ZNF91: variants seen among roughly 807,000 people sequenced by gnomAD.
ZNF91 encodes zinc finger protein 91 (HPF7, HTF10).
ZNF91 carries 7 observed loss-of-function variants against 12.6 expected under a neutral mutation model. The ratio of observed to expected loss-of-function variants is 0.55; its 90% CI spans 0.31 to 1.04. The LOEUF is 1.04. ZNF91 is among the 50% of genes least tolerant of loss of function. ZNF91 has a pLI of 0.05. For missense variants in ZNF91, 1,217 were observed against 1,385.4 expected, an observed-to-expected ratio of 0.88 and a Z score of 1.93; for synonymous variants, 453 against 462.6, an observed-to-expected ratio of 0.98 and a Z score of 0.27.
At position 23,395,424 on chromosome 19, in the gene ZNF91, A is replaced by T; in HGVS notation, c.-70T>A. ...GGCTGGGCCTCCTGGAGCAGAGGACACAGAGCAGTGAAGTCGAGACCTGGA... is the reference window on the plus strand; with the variant it reads ...GGCTGGGCCTCCTGGAGCAGAGGACTCAGAGCAGTGAAGTCGAGACCTGGA... On this transcript the variant is annotated 5_prime_UTR_variant, in exon 1 of 4. Coordinates refer to ENST00000300619, the MANE Select transcript of ZNF91 (RefSeq NM_003430.4). The T allele has an allele frequency of 6.3e-7, 1 of 1,586,724 alleles. No homozygotes were observed. The highest frequency in any genetic ancestry group is 8.6e-7 in the Non-Finnish European group (1 of 1,161,990).
chr19:23,373,369 T>A (rs1413094629), intron 3 of ZNF91, among the ~76,000 whole-genome samples: 2 of 83,248 alleles, frequency 2.4e-5, no homozygotes, highest in African/African-American at 8.6e-5. Flanking sequence ...TATATATATA[T>A]ATATATATAT....
At chr19:23,328,579 G>C (rs745306544) in intron 1 of ZNF91, 1 of 152,034 alleles carries the variant, frequency 6.6e-6, no homozygotes, top group Non-Finnish European at 1.5e-5. Flanking sequence ...AAAACTGTTG[G>C]GCCAAAAAGT....
At chr19:23,348,717 A>G (rs1000424242) in intron 3 of ZNF91, among the ~76,000 whole-genome samples, 4 of 152,218 alleles carry the variant, frequency 2.6e-5, no homozygotes, top group African/African-American at 9.6e-5. Context: ...AGGAAAGATA[A>G]CCATAAGGTC....
At position 23,395,464 on chromosome 19, in the gene ZNF91, CGA is replaced by C. The variant is rs992716592; in HGVS notation, c.-112_-111del. 4.0e-5 allele frequency: 55 copies of C among 1,376,040 alleles called. No individual in the cohort carries two copies. Among genetic ancestry groups the C allele is most frequent in the Non-Finnish European group, 4.9e-5 (49 of 993,888 alleles). 85.2% of individuals were successfully genotyped at this position (1,376,040 alleles called of 1,614,324 possible). A position where few individuals can be genotyped will look rare whatever the true frequency, so the allele number is the denominator to read the frequency against. On this transcript the variant is annotated 5_prime_UTR_variant, in exon 1 of 4. Coordinates refer to ENST00000300619, the MANE Select transcript of ZNF91 (RefSeq NM_003430.4). ...CGAGACCTGGAAACTCCGGCGGCAG[CGA>C]GAGACAAAGGCCCAGCCACATCCCG...
At chr19:23,365,215 T>G (rs1968954325) in intron 3 of ZNF91, among the ~76,000 whole-genome samples, 2 of 151,786 alleles carry the variant, frequency 1.3e-5, no homozygotes, top group South Asian at 4.1e-4. Flanking sequence ...GATTTAAATT[T>G]ATTTCACTTT....
At chr19:23,313,072 T>C (rs995882520), upstream of ZNF91, among the ~76,000 whole-genome samples, 2 of 152,186 alleles carry the variant, frequency 1.3e-5, no homozygotes, top group African/African-American at 4.8e-5. Flanking sequence ...CAGATCCAGT[T>C]TATTGTTGAG....
intron 1 of ZNF91, among the ~76,000 whole-genome samples, chr19:23,375,482 T>C (rs1969473825): frequency 6.6e-6 from 1 of 152,158 alleles, no homozygotes; most frequent in Admixed American, 6.5e-5. Flanking sequence ...TTTTAATGTG[T>C]ATGATAAACT....
intron 1 of ZNF91, chr19:23,325,416 AGTGCCCTGTGCATTCTGGTGCTTTT>A (rs1343489406): frequency 1.3e-5 from 2 of 152,138 alleles, no homozygotes; most frequent in African/African-American, 2.4e-5. Flanking sequence ...GTTCCTGCAG[AGTGCCCTGTGCATTCTGGTGCTTTT>A]GTGCCCTCTC....
At chr19:23,317,269 C>T (rs929831202) in intron 1 of ZNF91, among the ~76,000 whole-genome samples, 1 of 152,066 alleles carries the variant, frequency 6.6e-6, no homozygotes, top group Admixed American at 6.5e-5. Context: ...AGGATGGTCT[C>T]GATCTCCTGA....
intron 1 of ZNF91, among the ~76,000 whole-genome samples, chr19:23,387,800 CATG>C (rs1237542855): frequency 6.6e-6 from 1 of 151,866 alleles, no homozygotes; most frequent in Non-Finnish European, 1.5e-5. Context: ...ATTAGTCGGG[CATG>C]GTGGTGGTGG....
At chr19:23,377,980 C>T (rs908811968) in intron 1 of ZNF91, among the ~76,000 whole-genome samples, 2 of 151,996 alleles carry the variant, frequency 1.3e-5, no homozygotes, top group Admixed American at 1.3e-4. Context: ...TAAAAAAATG[C>T]ATAGAATAAA....
chr19:23,374,964 C>A (rs1160176340), intron 1 of ZNF91, among the ~76,000 whole-genome samples, 200 bp from the exon 2 acceptor site: 1 of 152,102 alleles, frequency 6.6e-6, no homozygotes, highest in African/African-American at 2.4e-5. Flanking sequence ...TGGCATAATA[C>A]CCACAATATC....
chr19:23,349,535 C>T (rs1038570179), intron 3 of ZNF91, among the ~76,000 whole-genome samples: 15 of 152,152 alleles, frequency 9.9e-5, no homozygotes, highest in African/African-American at 1.4e-4. Flanking sequence ...GTCTTTCATT[C>T]GTGAAGCGGC....
chr19:23,374,184 GA>G (rs1568395942), intron 2 of ZNF91, among the ~76,000 whole-genome samples: 1 of 151,964 alleles, frequency 6.6e-6, no homozygotes. Context: ...ACATCTTGAG[GA>G]AATTCTTTTC....
At chr19:23,390,980 G>A (rs1050258707) in intron 1 of ZNF91, among the ~76,000 whole-genome samples, 4 of 152,222 alleles carry the variant, frequency 2.6e-5, no homozygotes, top group African/African-American at 4.8e-5. Flanking sequence ...TTGTGCATGT[G>A]TCTTTATGAG....
chr19:23,305,421 A>G lies in ZNF91; in HGVS notation n.278-290T>C, dbSNP rs1400177140. On this transcript the variant is annotated intron_variant and non_coding_transcript_variant, in intron 3 of 3. Coordinates refer to the ZNF91 transcript ENST00000593292. ...TCCAATTAGCCAATTAATTTGGTCT[A>G]GGTAATTCTGATCAGCCAATTAGCT... 2.0e-5 allele frequency among the ~76,000 whole-genome samples: 3 copies of G among 152,102 alleles called. No homozygotes were observed. The East Asian group carries it at 5.8e-4, about 29-fold the overall frequency.
intron 1 of ZNF91, among the ~76,000 whole-genome samples, chr19:23,330,950 T>C (rs774364079): frequency 1.7e-4 from 26 of 152,294 alleles, no homozygotes; most frequent in Non-Finnish European, 2.4e-4. Context: ...ATATCCAAAA[T>C]TGGAATCAAT....
rs575240893 is a variant in ZNF91, at chr19:23,393,616, CAGG to C, written c.30+1706_30+1708del. 5.1e-4 allele frequency among the ~76,000 whole-genome samples: 78 copies of C among 152,224 alleles called. No homozygotes were observed. The South Asian group carries it at 0.011, about 22-fold the overall frequency. On this transcript the variant is annotated intron_variant, in intron 1 of 3. Coordinates refer to ENST00000300619, the MANE Select transcript of ZNF91 (RefSeq NM_003430.4). ...ACAGAGATATTTTACCATACAGTGT[CAGG>C]AGATTATTCTTTGCTTTCTTCTCAC...
chr19:23,363,795 C>T (rs571975513), intron 3 of ZNF91, among the ~76,000 whole-genome samples: 14 of 151,484 alleles, frequency 9.2e-5, no homozygotes, highest in East Asian at 5.8e-4. Context: ...TATGGAAAAT[C>T]GGAAAAATGA....
Sources: allele counts gnomAD v4.1 joint callset (sites outside exome capture counted in the v4.1 genomes callset), GRCh38; gene constraint gnomAD v4.1.1; transcripts MANE v1.5; gene names NCBI Gene and HGNC (gene_info 2026-07-23, HGNC 2026-07-21).